Variants in MYO3B observed in about 807,000 individuals in gnomAD.
MYO3B encodes myosin IIIB.
A neutral mutation model predicts 174.6 loss-of-function variants in MYO3B; 156 were observed. That is an observed-to-expected ratio of 0.89 (90% CI 0.78 to 1.02). The LOEUF (loss-of-function observed/expected upper bound fraction) is 1.02. MYO3B is among the 50% of genes least tolerant of loss of function. The pLI is 0.00. For missense variants in MYO3B, 1,632 were observed against 1,639.4 expected, an observed-to-expected ratio of 1.00 and a Z score of 0.08; for synonymous variants, 563 against 569.1, an observed-to-expected ratio of 0.99 and a Z score of 0.15.
intron 7 of MYO3B, among the ~76,000 whole-genome samples, chr2:170,302,323 T>C (rs2105446747): frequency 6.6e-6 from 1 of 152,328 alleles, no homozygotes; most frequent in South Asian, 2.1e-4. Flanking sequence ...AATGTGATTA[T>C]TAAGAGTTTC....
At chr2:170,234,060 A>G (rs2093041510) in intron 6 of MYO3B, among the ~76,000 whole-genome samples, 1 of 149,540 alleles carries the variant, frequency 6.7e-6, no homozygotes, top group Non-Finnish European at 1.5e-5. Context: ...AGTCCCAGCT[A>G]CTTGGGAGGC....
At chr2:170,374,820 C>T (rs2094278664) in intron 9 of MYO3B, among the ~76,000 whole-genome samples, 1 of 150,272 alleles carries the variant, frequency 6.7e-6, no homozygotes, top group African/African-American at 2.5e-5. Flanking sequence ...AGATACAGGA[C>T]AGCAGAGGCA....
rs2094373839 is a variant in MYO3B at position 170,386,236 on chromosome 2, C to A, written c.1338C>A (p.Ala446=). 1 of 1,613,542 alleles carries A rather than the reference C, an allele frequency of 6.2e-7. No individual in the cohort carries two copies. The highest frequency in any genetic ancestry group is 1.7e-5 in the Admixed American group (1 of 59,978). ...GESGSGKTES[A]HLIVQHLTFL... ...GTGGCTCTGGGAAGACAGAAAGCGCCCACCTGATTGTTCAGCATTTGACTT... is the reference window on the plus strand; with the variant it reads ...GTGGCTCTGGGAAGACAGAAAGCGCACACCTGATTGTTCAGCATTTGACTT... The change falls in exon 13 of 35, where the codon GCC becomes GCA. Residue 446 remains alanine, a synonymous_variant. Coordinates refer to ENST00000408978, the MANE Select transcript of MYO3B (RefSeq NM_138995.5).
At chr2:170,636,526 C>A (rs1466440084) in intron 32 of MYO3B, among the ~76,000 whole-genome samples, 1 of 151,894 alleles carries the variant, frequency 6.6e-6, no homozygotes, top group Non-Finnish European at 1.5e-5. Context: ...GCTAATGACC[C>A]CTGGCTGGAC....
chr2:170,208,052 G>A (rs2355343), intron 3 of MYO3B, among the ~76,000 whole-genome samples: 49,713 of 152,070 alleles, frequency 0.33, 8,640 homozygotes, highest in Admixed American at 0.48. Context: ...TTTATGCCAC[G>A]GGTAGTATCA....
chr2:170,545,198 A>G (rs1161708187), intron 32 of MYO3B, among the ~76,000 whole-genome samples: 1 of 152,242 alleles, frequency 6.6e-6, no homozygotes, highest in Non-Finnish European at 1.5e-5. Context: ...GTACGGTTGA[A>G]TAGCTAAACC....
At chr2:170,289,336 C>T (rs2093579541) in intron 7 of MYO3B, among the ~76,000 whole-genome samples, 1 of 152,096 alleles carries the variant, frequency 6.6e-6, no homozygotes, top group Admixed American at 6.5e-5. Flanking sequence ...GTGAAACCAT[C>T]AGGTGCTGGA....
chr2:170,222,787 C>T (rs1323086638), intron 6 of MYO3B, among the ~76,000 whole-genome samples: 1 of 152,066 alleles, frequency 6.6e-6, no homozygotes, highest in Non-Finnish European at 1.5e-5. Flanking sequence ...ACAGTTCAAC[C>T]AATAACAAGC....
chr2:170,432,579 A>T lies in MYO3B; in HGVS notation c.2651-11388A>T, dbSNP rs534045232. Among the ~76,000 whole-genome samples, 143 of 145,390 alleles carry T rather than the reference A, an allele frequency of 9.8e-4. 2 individuals are homozygous for T. In the East Asian group the frequency reaches 0.015, roughly 15 times the overall value. ...TAATTTATTATTTAAAAAAAAAGAA[A>T]TTTTTTTTTTTTTTTGAGACGGAGT... On this transcript the variant is annotated intron_variant, in intron 22 of 34. Transcript: ENST00000408978.
intron 16 of MYO3B, among the ~76,000 whole-genome samples, chr2:170,398,922 A>G (rs2094456917): frequency 6.6e-6 from 1 of 152,112 alleles, no homozygotes; most frequent in African/African-American, 2.4e-5. Flanking sequence ...GTATAGGAGG[A>G]CATGTGCAGT....
chr2:170,316,973 C>T (rs1159612024), intron 7 of MYO3B, among the ~76,000 whole-genome samples: 2 of 152,104 alleles, frequency 1.3e-5, no homozygotes, highest in Non-Finnish European at 2.9e-5. Context: ...GAGATGTGGC[C>T]ATTGGATGGA....
At chr2:170,252,617 A>T (rs899482279) in intron 7 of MYO3B, among the ~76,000 whole-genome samples, 1 of 152,218 alleles carries the variant, frequency 6.6e-6, no homozygotes, top group Non-Finnish European at 1.5e-5. Flanking sequence ...CTTACATTCT[A>T]GAGGGGGAAA....
rs181332049 is a variant in MYO3B, at chr2:170,479,055, G to A, written c.3014+12344G>A. The stretch of plus-strand genomic sequence containing the variant: ...TCCCAACACTTTGGGAGGCCGAGGC[G>A]GGTGGATCACCTGAAGTCAGGAGTT... On this transcript the variant is annotated intron_variant, in intron 25 of 34. Coordinates refer to ENST00000408978, the MANE Select transcript of MYO3B (RefSeq NM_138995.5). 6.4e-3 allele frequency among the ~76,000 whole-genome samples: 965 copies of A among 150,354 alleles called. 10 individuals are homozygous for A. Among genetic ancestry groups the A allele is most frequent in the African/African-American group, 0.022 (905 of 41,284 alleles).
chr2:170,576,659 G>A (rs778235529), intron 32 of MYO3B, among the ~76,000 whole-genome samples: 20 of 152,176 alleles, frequency 1.3e-4, no homozygotes, highest in Non-Finnish European at 2.2e-4. Flanking sequence ...ACATACTTGC[G>A]CATTAAAACA....
At chr2:170,407,571 CT>C in intron 21 of MYO3B, 143 bp from the exon 22 acceptor site, 1 of 117,606 alleles carries the variant, frequency 8.5e-6, no homozygotes, top group East Asian at 5.0e-4. Context: ...TAATTATTCC[CT>C]TTATCTGGTG....
At chr2:170,330,054 ATTCT>A (rs2093900995) in intron 7 of MYO3B, among the ~76,000 whole-genome samples, 1 of 152,070 alleles carries the variant, frequency 6.6e-6, no homozygotes, top group Admixed American at 6.5e-5. Flanking sequence ...ATTATACTTC[ATTCT>A]TTCTATCTTC....
chr2:170,313,232 C>T (rs1185628475), intron 7 of MYO3B, among the ~76,000 whole-genome samples: 1 of 152,182 alleles, frequency 6.6e-6, no homozygotes, highest in Non-Finnish European at 1.5e-5. Context: ...TTCTCAACTT[C>T]GTTTTCCCCC....
At chr2:170,497,345 G>A (rs925029862) in intron 25 of MYO3B, among the ~76,000 whole-genome samples, 11 of 152,178 alleles carry the variant, frequency 7.2e-5, no homozygotes, top group Non-Finnish European at 1.0e-4. Flanking sequence ...GGCCAGGGGC[G>A]GTGGCTCACG....
At chr2:170,623,079 T>C (rs916075477) in intron 32 of MYO3B, among the ~76,000 whole-genome samples, 1 of 152,192 alleles carries the variant, frequency 6.6e-6, no homozygotes, top group African/African-American at 2.4e-5. Flanking sequence ...TTCCTTTGGG[T>C]ATATACCCAG....
Sources: allele counts gnomAD v4.1 joint callset (sites outside exome capture counted in the v4.1 genomes callset), GRCh38; gene constraint gnomAD v4.1.1; transcripts MANE v1.5; gene names NCBI Gene and HGNC (gene_info 2026-07-23, HGNC 2026-07-21).